Variants in PTPRG observed in about 807,000 individuals in gnomAD.
PTPRG encodes protein tyrosine phosphatase receptor type G.
PTPRG carries 102 observed loss-of-function variants against 165.3 expected under a neutral mutation model. That is an observed-to-expected ratio of 0.62 (90% CI 0.53 to 0.73). The LOEUF (loss-of-function observed/expected upper bound fraction) is 0.73. Ranked by LOEUF, PTPRG falls within the 30% of genes least tolerant of loss-of-function variation. PTPRG has a pLI of 0.00. For synonymous variants in PTPRG, 675 were observed against 669.5 expected, an observed-to-expected ratio of 1.01 and a Z score of -0.13; for missense variants, 1,866 against 1,861.4, an observed-to-expected ratio of 1.00 and a Z score of -0.05.
Position 61,738,971 on chromosome 3 carries a change from CTTTTTTTTTTTTTTTTTTTG to C in PTPRG, c.86-9893_86-9874del, listed in dbSNP as rs1022801249. ...GTAGAGATGGGGTCTTGCTCTGTTG[CTTTTTTTTTTTTTTTTTTTG>C]TTTTTTTTTTTTTGGTAGAGATGGG... On this transcript the variant is annotated intron_variant, in intron 1 of 29. Transcript: ENST00000474889. Among the ~76,000 whole-genome samples the C allele has an allele frequency of 1.0e-3, 45 of 43,682 alleles. 1 individual carries two copies. The highest frequency in any genetic ancestry group is 1.5e-3 in the Non-Finnish European group (32 of 22,048). The allele number at this position is 43,682 out of a possible 152,430, so 28.7% of individuals were successfully genotyped here.
At chr3:61,740,152 C>T (rs956474477) in intron 1 of PTPRG, among the ~76,000 whole-genome samples, 1 of 152,182 alleles carries the variant, frequency 6.6e-6, no homozygotes, top group Non-Finnish European at 1.5e-5. Context: ...ATGGAAAGTA[C>T]AGGTCTGTGG....
intron 2 of PTPRG, chr3:61,770,618 T>C (rs2034179556): frequency 6.6e-6 from 1 of 152,226 alleles, no homozygotes; most frequent in Admixed American, 6.5e-5. Flanking sequence ...ATTTGGATTA[T>C]GTCTAGTTTC....
chr3:61,671,999 C>CGGCCGGGGCGGCTGCCGGGCGG (rs1559550105), intron 1 of PTPRG, among the ~76,000 whole-genome samples: 1 of 119,376 alleles, frequency 8.4e-6, no homozygotes. Context: ...CCTCACTTCT[C>CGGCCGGGGCGGCTGCCGGGCGG]AGACGGGGCG....
Position 62,074,378 on chromosome 3 carries a change from C to G in PTPRG, c.520-3785C>G, listed in dbSNP as rs182057855. On this transcript the variant is annotated intron_variant, in intron 4 of 29. Coordinates refer to ENST00000474889, the MANE Select transcript of PTPRG (RefSeq NM_002841.4). ...TTTTTTTTTTTTTTTTTTTTTGAGA[C>G]AGGATCTTGCTCTGTCACTCAGGCT... 7.7e-5 allele frequency among the ~76,000 whole-genome samples: 7 copies of G among 90,588 alleles called. No individual in the cohort carries two copies. The East Asian group carries it at 1.8e-3, about 23-fold the overall frequency. The allele number at this position is 90,588 out of a possible 152,430, so 59.4% of individuals were successfully genotyped here.
Position 61,866,582 on chromosome 3 carries a change from C to CTTTTTTTTTTTT in PTPRG, c.190+117625_190+117636dup, listed in dbSNP as rs532356516. Among the ~76,000 whole-genome samples, 31 of 69,110 alleles carry CTTTTTTTTTTTT rather than the reference C, an allele frequency of 4.5e-4. 5 individuals are homozygous for CTTTTTTTTTTTT. Among genetic ancestry groups the CTTTTTTTTTTTT allele is most frequent in the Non-Finnish European group, 5.7e-4 (19 of 33,140 alleles). The allele number at this position is 69,110 out of a possible 152,430, so 45.3% of individuals were successfully genotyped here. A position where few individuals can be genotyped will look rare whatever the true frequency, so the allele number is the denominator to read the frequency against. On this transcript the variant is annotated intron_variant, in intron 2 of 29. Coordinates refer to ENST00000474889, the MANE Select transcript of PTPRG (RefSeq NM_002841.4). Reference sequence around the variant, plus strand: ...TTCCCTGGCTTTGGAACTGTTTGCTCTTTTTTTTTTTTTTTTTTTTTTTTT... The same window carrying CTTTTTTTTTTTT: ...TTCCCTGGCTTTGGAACTGTTTGCTCTTTTTTTTTTTTTTTTTTTTTTTTTTTTTTTTTTTTT...
chr3:62,140,200 C>G (rs1703869661), intron 6 of PTPRG, among the ~76,000 whole-genome samples: 1 of 152,306 alleles, frequency 6.6e-6, no homozygotes, highest in African/African-American at 2.4e-5. Flanking sequence ...GGTTCAGCCC[C>G]TTAAGAAGAC....
Position 62,255,264 on chromosome 3 carries a change from T to C in PTPRG, c.2559+49T>C, listed in dbSNP as rs375457604. The C allele has an allele frequency of 4.1e-6, 6 of 1,454,026 alleles. No homozygotes were observed. Among genetic ancestry groups the C allele is most frequent in the South Asian group, 2.4e-5 (2 of 83,010 alleles). The allele number at this position is 1,454,026 out of a possible 1,614,324, so 90.1% of individuals were successfully genotyped here. ...ACTTCCAGAAACCTAAGTCTTACTT[T>C]ATGCAGATTTTTGTAAACTTGAACT... is the stretch of plus-strand genomic sequence containing the variant. On this transcript the variant is annotated intron_variant, in intron 16 of 29. Transcript: ENST00000474889. The surrounding 1 kb of genome is among the most constrained non-coding windows in gnomAD (Gnocchi z 4.0).
chr3:62,018,150 C>G (rs1469252391), intron 4 of PTPRG, among the ~76,000 whole-genome samples: 1 of 152,180 alleles, frequency 6.6e-6, no homozygotes, highest in Non-Finnish European at 1.5e-5. Flanking sequence ...ACAAGACAAG[C>G]AAGCTCCTTG....
chr3:62,243,984 T>G, intron 15 of PTPRG, 86 bp downstream of exon 15: 1 of 796,814 alleles, frequency 1.3e-6, no homozygotes, highest in Non-Finnish European at 2.0e-6. Context: ...AACAAAATAT[T>G]TTATAGCCTT....
intron 2 of PTPRG, among the ~76,000 whole-genome samples, chr3:61,810,695 T>TG (rs1482419171): frequency 6.6e-6 from 1 of 152,180 alleles, no homozygotes; most frequent in Non-Finnish European, 1.5e-5. Context: ...GTCTGTGTAA[T>TG]GCAATTGTCC....
intron 16 of PTPRG, among the ~76,000 whole-genome samples, chr3:62,257,791 C>CA (rs1190482511): frequency 1.3e-5 from 2 of 151,934 alleles, no homozygotes; most frequent in Non-Finnish European, 2.9e-5. Context: ...TCTGTCTCTA[C>CA]AAAAAAAATT....
Position 62,219,141 on chromosome 3 carries a change from T to C in PTPRG, c.2288+158T>C, listed in dbSNP as rs564632069. Among the ~76,000 whole-genome samples, 90 of 152,352 alleles carry C rather than the reference T, an allele frequency of 5.9e-4. No individual in the cohort carries two copies. Among genetic ancestry groups the C allele is most frequent in the African/African-American group, 1.9e-3 (81 of 41,582 alleles). On this transcript the variant is annotated intron_variant, in intron 13 of 29. Coordinates refer to ENST00000474889, the MANE Select transcript of PTPRG (RefSeq NM_002841.4). This position sits in a 1 kb window ranked among gnomAD's most constrained non-coding sequence, Gnocchi z 4.5. ...GGAAGGCCATCTTGTCTCTGTTAGA[T>C]GATGGCAGGGCCAGATCCACTTTTG...
intron 4 of PTPRG, among the ~76,000 whole-genome samples, chr3:62,037,088 A>G (rs1276068109): frequency 6.6e-6 from 1 of 152,108 alleles, no homozygotes; most frequent in Non-Finnish European, 1.5e-5. Context: ...TAATCTCCCA[A>G]TGGCTTTATC....
At chr3:61,632,033 C>T (rs1015201337) in intron 1 of PTPRG, among the ~76,000 whole-genome samples, 2 of 152,064 alleles carry the variant, frequency 1.3e-5, no homozygotes, top group East Asian at 1.9e-4. Context: ...AGCTGGGTGC[C>T]GTGGCTCACA....
At chr3:61,917,613 T>A (rs2107552929) in intron 2 of PTPRG, among the ~76,000 whole-genome samples, 1 of 152,226 alleles carries the variant, frequency 6.6e-6, no homozygotes, top group East Asian at 1.9e-4. Context: ...AATGGACATT[T>A]AATTAAGGTT....
chr3:61,754,625 C>G (rs1467861893), intron 2 of PTPRG, among the ~76,000 whole-genome samples: 1 of 152,124 alleles, frequency 6.6e-6, no homozygotes, highest in African/African-American at 2.4e-5. Flanking sequence ...AGAGTCTGTC[C>G]TTGGGAATTT....
At chr3:61,972,131 G>A (rs1262221046) in intron 2 of PTPRG, among the ~76,000 whole-genome samples, 3 of 152,262 alleles carry the variant, frequency 2.0e-5, no homozygotes, top group Non-Finnish European at 4.4e-5. Context: ...ATGTGTGGCA[G>A]AATAGGTCTT....
At chr3:62,165,496 C>G (rs547531969) in intron 7 of PTPRG, among the ~76,000 whole-genome samples, 2 of 152,238 alleles carry the variant, frequency 1.3e-5, no homozygotes, top group East Asian at 1.9e-4. Context: ...ATTTTTCTGT[C>G]ATGTCTTGCC....
intron 1 of PTPRG, among the ~76,000 whole-genome samples, chr3:61,680,716 C>T (rs1389316168): frequency 6.6e-6 from 1 of 150,866 alleles, no homozygotes; most frequent in African/African-American, 2.4e-5. Context: ...CAAACTTTTC[C>T]TAGAGCTGTT....
Sources: gnomAD v4.1 joint callset for allele counts (sites outside exome capture counted in the v4.1 genomes callset) on GRCh38, gnomAD v4.1.1 for gene constraint, Gnocchi (gnomAD v3.1) non-coding constraint, MANE v1.5 for transcripts, NCBI Gene and HGNC (gene_info 2026-07-23, HGNC 2026-07-21) for gene names.